LPP: variants seen among roughly 807,000 people sequenced by gnomAD.
LPP encodes LIM domain containing preferred translocation partner in lipoma.
LPP carries 38 observed loss-of-function variants against 60.4 expected under a neutral mutation model. The ratio of observed to expected loss-of-function variants is 0.63; its 90% confidence interval spans 0.49 to 0.83. LPP has a LOEUF of 0.83. Among genes scored for constraint, LPP ranks in the 40% least tolerant of loss-of-function variants. The probability of loss-of-function intolerance (pLI) is 0.00; values close to 1 mark genes in which losing one functional copy is unlikely to be tolerated. For synonymous variants in LPP, 328 were observed against 290.8 expected (o/e 1.13, Z -1.30); for missense variants, 902 against 783.6 (o/e 1.15, Z -1.80).
intron 2 of LPP, among the ~76,000 whole-genome samples, chr3:188,235,301 A>G (rs73057695): frequency 0.017 from 2,643 of 152,250 alleles, 74 homozygotes; most frequent in African/African-American, 0.058. Flanking sequence ...TGTTTTCTCA[A>G]TGTTTATGGA....
chr3:188,243,132 A>G (rs1725576564), intron 2 of LPP, among the ~76,000 whole-genome samples: 1 of 152,224 alleles, frequency 6.6e-6, no homozygotes, highest in Non-Finnish European at 1.5e-5. Context: ...AAAAGACAGA[A>G]AAATACTAAT....
intron 1 of LPP, among the ~76,000 whole-genome samples, chr3:188,191,394 G>A (rs1354405061): frequency 6.6e-6 from 1 of 152,164 alleles, no homozygotes; most frequent in African/African-American, 2.4e-5. Flanking sequence ...CTTATTCTTA[G>A]AATGAAGACC....
At chr3:188,863,644 A>G (rs1345025068) in intron 9 of LPP, among the ~76,000 whole-genome samples, 3 of 152,234 alleles carry the variant, frequency 2.0e-5, no homozygotes, top group Admixed American at 2.0e-4. Flanking sequence ...GTCCTTCTAC[A>G]TCATTCACTA....
At chr3:188,313,596 C>A (rs1007619857) in intron 2 of LPP, among the ~76,000 whole-genome samples, 2 of 149,608 alleles carry the variant, frequency 1.3e-5, no homozygotes, top group African/African-American at 5.0e-5. Context: ...AAGATCCCGC[C>A]ACTGCACTCC....
intron 9 of LPP, among the ~76,000 whole-genome samples, chr3:188,804,987 G>A (rs1748644636): frequency 1.3e-5 from 2 of 151,952 alleles, no homozygotes; most frequent in Non-Finnish European, 2.9e-5. Context: ...GGTTCATATG[G>A]TAGGTAACAC....
intron 8 of LPP, among the ~76,000 whole-genome samples, chr3:188,733,992 T>C (rs1363178665): frequency 6.6e-6 from 1 of 152,142 alleles, no homozygotes; most frequent in Non-Finnish European, 1.5e-5. Flanking sequence ...TCCTAAGAAG[T>C]GTGTATATGT....
chr3:188,798,550 G>T (rs1442448942), intron 9 of LPP, among the ~76,000 whole-genome samples: 1 of 152,162 alleles, frequency 6.6e-6, no homozygotes, highest in Non-Finnish European at 1.5e-5. Context: ...CAGGTTTTCA[G>T]CTCTAACTGT....
intron 6 of LPP, among the ~76,000 whole-genome samples, chr3:188,549,405 TG>T (rs1827483001): frequency 1.3e-5 from 2 of 152,202 alleles, no homozygotes; most frequent in Non-Finnish European, 2.9e-5. Context: ...TGTGTTTGTT[TG>T]TTTGTTTGTT....
At chr3:188,591,792 C>T (rs1274431862) in intron 6 of LPP, among the ~76,000 whole-genome samples, 2 of 152,210 alleles carry the variant, frequency 1.3e-5, no homozygotes, top group Non-Finnish European at 2.9e-5. Context: ...CTCACAACAA[C>T]AATAAATGAC....
At chr3:188,334,422 C>CTTTTTTTTTTTTTTTTTTT in intron 2 of LPP, among the ~76,000 whole-genome samples, 1 of 98,676 alleles carries the variant, frequency 1.0e-5, no homozygotes, top group Non-Finnish European at 1.9e-5. Context: ...ATATTTCTTT[C>CTTTTTTTTTTTTTTTTTTT]TTTTTTTTTT....
At position 188,163,679 on chromosome 3, in the gene LPP, C is replaced by T. The variant is rs113425943; in HGVS notation, c.-190+9427C>T. 3.9e-3 allele frequency among the ~76,000 whole-genome samples: 591 copies of T among 151,806 alleles called. 19 individuals carry two copies. The East Asian group carries it at 0.074, about 19-fold the overall frequency. On this transcript the variant is annotated intron_variant, in intron 1 of 11. Coordinates refer to ENST00000617246, the MANE Select transcript of LPP (RefSeq NM_001375462.1). ...CTGAGTGGCCAGGCATGGTGGCTCA[C>T]GCCTGTAGTCCCAGCACTTTGGGAG...
At chr3:188,794,955 G>A (rs1744898438) in intron 9 of LPP, among the ~76,000 whole-genome samples, 1 of 152,106 alleles carries the variant, frequency 6.6e-6, no homozygotes, top group African/African-American at 2.4e-5. Context: ...GGCCAACACG[G>A]TGAAACCCCG....
chr3:188,765,687 G>A (rs984439695), intron 9 of LPP, among the ~76,000 whole-genome samples: 1 of 150,874 alleles, frequency 6.6e-6, no homozygotes, highest in African/African-American at 2.4e-5. Flanking sequence ...ACTAACATCC[G>A]TGCTAACATT....
intron 2 of LPP, among the ~76,000 whole-genome samples, chr3:188,279,101 T>C (rs1379205381): frequency 6.6e-6 from 1 of 152,164 alleles, no homozygotes; most frequent in East Asian, 1.9e-4. Flanking sequence ...ATGAGGCCAT[T>C]TGGGGTCACT....
intron 1 of LPP, among the ~76,000 whole-genome samples, chr3:188,220,879 G>A (rs1387188612): frequency 6.6e-6 from 1 of 152,158 alleles, no homozygotes; most frequent in East Asian, 1.9e-4. Flanking sequence ...CTCTGTGAGT[G>A]GGGCCACAGG....
chr3:188,828,820 A>G (rs568642869), intron 9 of LPP, among the ~76,000 whole-genome samples: 2 of 152,126 alleles, frequency 1.3e-5, no homozygotes, highest in South Asian at 4.2e-4. Context: ...TCTCCTATAA[A>G]TATAGTGATT....
intron 2 of LPP, among the ~76,000 whole-genome samples, chr3:188,336,441 A>G (rs1251726708): frequency 1.3e-5 from 2 of 152,168 alleles, no homozygotes; most frequent in Non-Finnish European, 2.9e-5. Context: ...GTTTGGACCC[A>G]GAGAGCAGGA....
intron 7 of LPP, among the ~76,000 whole-genome samples, chr3:188,689,053 A>G (rs906183585): frequency 6.6e-6 from 1 of 152,232 alleles, no homozygotes; most frequent in African/African-American, 2.4e-5. Context: ...AGCTCTGTGT[A>G]TGCTATTTCC....
intron 3 of LPP, among the ~76,000 whole-genome samples, chr3:188,402,602 CA>C (rs1016613516): frequency 1.3e-5 from 2 of 152,194 alleles, no homozygotes; most frequent in African/African-American, 4.8e-5. Context: ...ATGATTGTAT[CA>C]GTGAATGCTA....
Sources: allele counts gnomAD v4.1 joint callset (sites outside exome capture counted in the v4.1 genomes callset), GRCh38; gene constraint gnomAD v4.1.1; transcripts MANE v1.5; gene names NCBI Gene and HGNC (gene_info 2026-07-23, HGNC 2026-07-21).